The following NEURL1 variants were observed in gnomAD, a reference collection of about 807,000 sequenced individuals.
NEURL1 encodes neuralized E3 ubiquitin protein ligase 1, also known as E3 ubiquitin-protein ligase NEURL1.
NEURL1 carries 26 observed loss-of-function variants against 41.2 expected under a neutral mutation model. The observed-to-expected ratio is 0.63, with a 90% CI of 0.46 to 0.87. The LOEUF (loss-of-function observed/expected upper bound fraction) is 0.87. NEURL1 is among the 40% of genes least tolerant of loss of function. The pLI is 0.00. For missense variants in NEURL1, 761 were observed against 871.1 expected, an observed-to-expected ratio of 0.87 and a Z score of 1.59; for synonymous variants, 400 against 402.3, an observed-to-expected ratio of 0.99 and a Z score of 0.07.
intron 3 of NEURL1, among the ~76,000 whole-genome samples, chr10:103,577,046 G>A (rs2035680437): frequency 6.6e-6 from 1 of 152,210 alleles, no homozygotes; most frequent in Non-Finnish European, 1.5e-5. Context: ...TGGCTGCTAG[G>A]GGCCAAGAGG....
At chr10:103,561,283 CAG>C (rs1387132664) in intron 1 of NEURL1, among the ~76,000 whole-genome samples, 1 of 147,458 alleles carries the variant, frequency 6.8e-6, no homozygotes, top group Non-Finnish European at 1.5e-5. Context: ...TTTTTCGAGA[CAG>C]AGTCTCACTC....
At chr10:103,522,049 G>A (rs755197651) in intron 1 of NEURL1, among the ~76,000 whole-genome samples, 1 of 152,126 alleles carries the variant, frequency 6.6e-6, no homozygotes, top group Non-Finnish European at 1.5e-5. Context: ...GGTGCTCAGT[G>A]GGGGAGCTTC....
At chr10:103,535,646 C>T (rs1564813566) in intron 1 of NEURL1, among the ~76,000 whole-genome samples, 1 of 152,128 alleles carries the variant, frequency 6.6e-6, no homozygotes, top group Non-Finnish European at 1.5e-5. Flanking sequence ...TGTGACTGTC[C>T]TGAGCAGCCA....
At chr10:103,571,405 T>C (rs112162629) in intron 2 of NEURL1, 96 bp from the exon 3 acceptor site, 1 of 1,274,306 alleles carries the variant, frequency 7.8e-7, no homozygotes, top group Non-Finnish European at 1.1e-6. Context: ...GGCAGGCTGC[T>C]GTGGGATGCT....
At chr10:103,550,474 C>G (rs1355849854) in intron 1 of NEURL1, 1 of 152,280 alleles carries the variant, frequency 6.6e-6, no homozygotes, top group East Asian at 1.9e-4. Flanking sequence ...GGTATTAAGT[C>G]CCCACCCAGG....
At chr10:103,585,589 T>C (rs908755341) in intron 4 of NEURL1, among the ~76,000 whole-genome samples, 9 of 152,058 alleles carry the variant, frequency 5.9e-5, no homozygotes, top group Non-Finnish European at 1.3e-4. Context: ...AATCTCAGCA[T>C]TTTGGGAGGC....
rs148235593 is a variant in NEURL1, at chr10:103,520,255, C to T, written c.85+25783C>T. On this transcript the variant is annotated intron_variant, in intron 1 of 5. Transcript: ENST00000369780. ...GACCACCAAACAGGCTTTGTGTGAG[C>T]AATAAAGCTGTATATTTCACCTGGG... 8.1e-3 allele frequency among the ~76,000 whole-genome samples: 1,236 copies of T among 152,228 alleles called. 12 individuals are homozygous for T. Among genetic ancestry groups the T allele is most frequent in the African/African-American group, 0.028 (1,164 of 41,530 alleles).
intron 1 of NEURL1, among the ~76,000 whole-genome samples, chr10:103,513,426 C>G (rs1376887887): frequency 2.0e-5 from 3 of 152,226 alleles, no homozygotes; most frequent in Non-Finnish European, 4.4e-5. Flanking sequence ...CCCACTGGGC[C>G]CTGCCCCAGG....
intron 1 of NEURL1, among the ~76,000 whole-genome samples, chr10:103,496,359 A>G (rs1054386730): frequency 6.6e-6 from 1 of 152,238 alleles, no homozygotes; most frequent in Non-Finnish European, 1.5e-5. Context: ...TGCTCACAGT[A>G]TAACGACAGA....
chr10:103,586,401 C>T (rs371193202), intron 4 of NEURL1, among the ~76,000 whole-genome samples: 2 of 152,102 alleles, frequency 1.3e-5, no homozygotes, highest in African/African-American at 2.4e-5. Context: ...TTGGACCCCC[C>T]CTCCAGAGAT....
chr10:103,553,215 G>T (rs1255046806), intron 1 of NEURL1, among the ~76,000 whole-genome samples: 1 of 152,216 alleles, frequency 6.6e-6, no homozygotes, highest in East Asian at 1.9e-4. Context: ...GATCTCTTAG[G>T]GTTGTCGTGA....
chr10:103,550,834 C>T (rs1477380694), intron 1 of NEURL1: 2 of 152,206 alleles, frequency 1.3e-5, no homozygotes, highest in South Asian at 2.1e-4. Context: ...CCTCTCTAAG[C>T]CTCAGTTTTA....
chr10:103,537,403 T>G (rs1388096602), intron 1 of NEURL1, among the ~76,000 whole-genome samples: 1 of 151,336 alleles, frequency 6.6e-6, no homozygotes, highest in African/African-American at 2.4e-5. Flanking sequence ...TCTCGCACTC[T>G]TATATATATT....
chr10:103,540,572 G>A (rs536522730), intron 1 of NEURL1, among the ~76,000 whole-genome samples: 1 of 152,244 alleles, frequency 6.6e-6, no homozygotes, highest in East Asian at 1.9e-4. Flanking sequence ...TTACAGGTGC[G>A]AACCACCACG....
At chr10:103,500,838 G>A (rs2033806461) in intron 1 of NEURL1, among the ~76,000 whole-genome samples, 1 of 152,178 alleles carries the variant, frequency 6.6e-6, no homozygotes, top group African/African-American at 2.4e-5. Context: ...GAATATATTG[G>A]GGATGGGACC....
chr10:103,495,260 C>G (rs1162512242), intron 1 of NEURL1, among the ~76,000 whole-genome samples: 1 of 152,278 alleles, frequency 6.6e-6, no homozygotes, highest in East Asian at 1.9e-4. Context: ...GCCCTCAGAC[C>G]CTACTAAATT....
rs749636058 is a variant in NEURL1 at position 103,574,298 on chromosome 10, G to A, written c.649+2476G>A. Among the ~76,000 whole-genome samples, 9 of 152,354 alleles carry A rather than the reference G, an allele frequency of 5.9e-5. No individual in the cohort carries two copies. In the South Asian group the frequency reaches 1.5e-3, roughly 25 times the overall value. ...AGAAGCCAGTAAATCACTAACCGCT[G>A]TGGTCATGGGATGCCTTCCATCTGC... On this transcript the variant is annotated intron_variant, in intron 3 of 5. Coordinates refer to ENST00000369780, the MANE Select transcript of NEURL1 (RefSeq NM_004210.5).
chr10:103,548,961 A>T (rs1564817715), intron 1 of NEURL1: 1 of 152,232 alleles, frequency 6.6e-6, no homozygotes, highest in Non-Finnish European at 1.5e-5. Flanking sequence ...CACAGATCTT[A>T]TCATAGGCAA....
At chr10:103,542,513 T>G (rs1370694489) in intron 1 of NEURL1, among the ~76,000 whole-genome samples, 1 of 152,136 alleles carries the variant, frequency 6.6e-6, no homozygotes, top group Non-Finnish European at 1.5e-5. Flanking sequence ...TCCTCCTGCG[T>G]CAGCCTCCCA....
Sources: gnomAD v4.1 joint callset for allele counts (sites outside exome capture counted in the v4.1 genomes callset) on GRCh38, gnomAD v4.1.1 for gene constraint, MANE v1.5 for transcripts, NCBI Gene and HGNC (gene_info 2026-07-23, HGNC 2026-07-21) for gene names.